Variants in DNTT observed in about 807,000 individuals in gnomAD.
The protein encoded by DNTT is DNA nucleotidylexotransferase.
A neutral mutation model predicts 60.9 loss-of-function variants in DNTT; 47 were observed. The ratio of observed to expected loss-of-function variants is 0.77; its 90% CI spans 0.61 to 0.98. The LOEUF is 0.98. Ranked by LOEUF, DNTT falls within the 50% of genes least tolerant of loss-of-function variation. DNTT has a pLI of 0.00. For missense variants in DNTT, 665 were observed against 627.5 expected (o/e 1.06, Z -0.64); for synonymous variants, 224 against 221.2 (o/e 1.01, Z -0.11).
intron 4 of DNTT, among the ~76,000 whole-genome samples, chr10:96,322,156 T>C (rs1844888192): frequency 6.6e-6 from 1 of 152,154 alleles, no homozygotes; most frequent in East Asian, 1.9e-4. Flanking sequence ...CATCTGGTAG[T>C]AAGTTTCTGT....
chr10:96,307,486 C>T (rs1844653722), intron 1 of DNTT, among the ~76,000 whole-genome samples: 1 of 150,160 alleles, frequency 6.7e-6, no homozygotes, highest in Admixed American at 6.6e-5. Flanking sequence ...TCCTGAACAG[C>T]TGGGACTACA....
chr10:96,323,036 A>G lies in DNTT; in HGVS notation c.750+308A>G, dbSNP rs187778918. 1.1e-4 allele frequency among the ~76,000 whole-genome samples: 17 copies of G among 152,342 alleles called. No homozygotes were observed. In the East Asian group the frequency reaches 2.9e-3, roughly 26 times the overall value. ...AGACACTAATCCTGGGCCGGGCACC[A>G]TAGCTCATGCCTGTAATCCAAGCAC... On this transcript the variant is annotated intron_variant, in intron 5 of 10. Transcript: ENST00000371174.
At chr10:96,323,607 C>G (rs1180834589) in intron 5 of DNTT, among the ~76,000 whole-genome samples, 1 of 152,076 alleles carries the variant, frequency 6.6e-6, no homozygotes, top group Non-Finnish European at 1.5e-5. Context: ...CGGAACTGCT[C>G]TTAAAGAGCA....
intron 6 of DNTT, 47 bp downstream of exon 6, chr10:96,324,436 T>C (rs753398059): frequency 6.2e-7 from 1 of 1,607,542 alleles, no homozygotes; most frequent in Non-Finnish European, 8.5e-7. Context: ...GCTGGTCGGG[T>C]CGTGGTGGAG....
At chr10:96,307,931 G>A (rs1844664464) in intron 1 of DNTT, among the ~76,000 whole-genome samples, 1 of 151,546 alleles carries the variant, frequency 6.6e-6, no homozygotes, top group African/African-American at 2.4e-5. Flanking sequence ...GCCATGCCCG[G>A]CTAATTTTTG....
At chr10:96,336,122 A>C in intron 10 of DNTT, 148 bp downstream of exon 10, 2 of 794,598 alleles carry the variant, frequency 2.5e-6, no homozygotes, top group Admixed American at 2.4e-5. Flanking sequence ...TGAGGGCAGC[A>C]AGAAAGATTT....
Position 96,318,537 on chromosome 10 carries a change from T to C in DNTT, c.378+11T>C, listed in dbSNP as rs752478257. On this transcript the variant is annotated intron_variant, in intron 2 of 10. Transcript: ENST00000371174. ...AAACACCAGCTTGTTGTAAGTGTCA[T>C]GGGTGTGATTTTCACTGTTCTTTGC... is the stretch of plus-strand genomic sequence containing the variant. 1.9e-6 allele frequency: 3 copies of C among 1,611,594 alleles called. No homozygotes were observed. In the East Asian group the frequency reaches 6.7e-5, roughly 36 times the overall value.
In DNTT at chr10:96,327,611, T is replaced by C. The variant is rs1336035065; in HGVS notation, c.1007+11T>C. ...AGGAGGGTTCCGGAGGTAAATAACT[T>C]GGGTGGCTTTGCCTCCTCTGCCCGA... On this transcript the variant is annotated intron_variant, in intron 7 of 10. Transcript: ENST00000371174. The C allele has an allele frequency of 6.2e-7, 1 of 1,608,430 alleles. No individual in the cohort carries two copies. The highest frequency in any genetic ancestry group is 1.7e-5 in the Admixed American group (1 of 59,748).
intron 1 of DNTT, 113 bp from the exon 2 acceptor site, chr10:96,318,239 G>T: frequency 7.9e-7 from 1 of 1,269,344 alleles, no homozygotes; most frequent in Non-Finnish European, 1.1e-6. Context: ...CTATGGTTAG[G>T]TCTAGCATGT....
In DNTT at chr10:96,326,411, G is replaced by A. The variant is rs114069456; in HGVS notation, c.875-1057G>A. Reference sequence around the variant, plus strand: ...TTGGTATTGGACACAGTTTATAGGTGTATTCATATGAATACCATTTTCTCT... The same window carrying A: ...TTGGTATTGGACACAGTTTATAGGTATATTCATATGAATACCATTTTCTCT... On this transcript the variant is annotated intron_variant, in intron 6 of 10. Transcript: ENST00000371174. 3.6e-3 allele frequency among the ~76,000 whole-genome samples: 551 copies of A among 152,300 alleles called. 5 individuals carry two copies. Among genetic ancestry groups the A allele is most frequent in the African/African-American group, 0.012 (514 of 41,554 alleles).
Position 96,335,970 on chromosome 10 carries a change from C to A in DNTT, c.1439C>A (p.Thr480Asn). 6.2e-7 allele frequency: 1 copy of A among 1,614,140 alleles called. No homozygotes were observed. Among genetic ancestry groups the A allele is most frequent in the Non-Finnish European group, 8.5e-7 (1 of 1,180,008 alleles). Residue 480 changes from threonine (T) to asparagine (N), a missense_variant, in exon 10 of 11, where the codon ACC becomes AAC. Physicochemically the swap from Thr to Asn is moderately conservative, Grantham distance 65. Coordinates refer to ENST00000371174, the MANE Select transcript of DNTT (RefSeq NM_004088.4). The stretch of plus-strand genomic sequence containing the variant: ...GATAACCATGCTTTATATGACAAGA[C>A]CAAGGTACAGTTCTCTTCCTAAAAG... ...ILDNHALYDK[T>N]KRIFLKAESE...
Position 96,338,302 on chromosome 10 carries a change from G to A in DNTT, c.*78G>A, listed in dbSNP as rs12573172. The A allele has an allele frequency of 3.0e-5, 41 of 1,350,438 alleles. No homozygotes were observed. In the African/African-American group the frequency reaches 4.3e-4, roughly 14 times the overall value. The allele number at this position is 1,350,438 out of a possible 1,614,324, so 83.7% of individuals were successfully genotyped here. ...CTTCATATTAGTAAAAGATGCCATA[G>A]GAGAGTTTGGGGTTATTTAGGTCTT... On this transcript the variant is annotated 3_prime_UTR_variant, in exon 11 of 11. Coordinates refer to ENST00000371174, the MANE Select transcript of DNTT (RefSeq NM_004088.4).
At chr10:96,307,701 GTGTGTA>G (rs1224447033) in intron 1 of DNTT, among the ~76,000 whole-genome samples, 9,137 of 84,720 alleles carry the variant, frequency 0.11, 752 homozygotes, top group East Asian at 0.51. Context: ...GTGTGTGTGT[GTGTGTA>G]TATATATATA....
intron 1 of DNTT, 100 bp from the exon 2 acceptor site, chr10:96,318,252 C>A: frequency 1.4e-6 from 2 of 1,401,990 alleles, no homozygotes; most frequent in Non-Finnish European, 1.9e-6. Flanking sequence ...TAGCATGTGT[C>A]TTTCTCCATC....
At position 96,328,734 on chromosome 10, in the gene DNTT, G is replaced by A; in HGVS notation, c.1017G>A (p.Lys339=). The A allele has an allele frequency of 6.2e-7, 1 of 1,612,916 alleles. No individual in the cohort carries two copies. Among genetic ancestry groups the A allele is most frequent in the Non-Finnish European group, 8.5e-7 (1 of 1,179,668 alleles). Residue 339 remains lysine (K), a synonymous_variant, in exon 8 of 11, where the codon AAG becomes AAA. Coordinates refer to ENST00000371174, the MANE Select transcript of DNTT (RefSeq NM_004088.4). ...TMTGGFRRGK[K]MGHDVDFLIT... ...TGCTTTTGAAAATTAGGGGTAAGAA[G>A]ATGGGGCATGATGTAGATTTTTTAA... is the stretch of plus-strand genomic sequence containing the variant.
intron 10 of DNTT, among the ~76,000 whole-genome samples, chr10:96,336,862 C>T (rs969504918): frequency 2.8e-5 from 4 of 144,742 alleles, no homozygotes; most frequent in Admixed American, 1.4e-4. Context: ...CACTTGAACC[C>T]GGGAGGCAGA....
At chr10:96,334,249 A>G (rs1181345389) in intron 9 of DNTT, among the ~76,000 whole-genome samples, 1 of 152,102 alleles carries the variant, frequency 6.6e-6, no homozygotes, top group Non-Finnish European at 1.5e-5. Flanking sequence ...GTAAAACTCA[A>G]TTTTCCCGTC....
chr10:96,307,734 A>ATATATATATATATATATATAT (rs1564868534), intron 1 of DNTT, among the ~76,000 whole-genome samples: 2 of 72,578 alleles, frequency 2.8e-5, no homozygotes, highest in Non-Finnish European at 5.9e-5. Context: ...TATATATATA[A>ATATATATATATATATATATAT]GCATATATAT....
intron 1 of DNTT, among the ~76,000 whole-genome samples, chr10:96,315,812 TA>T (rs1409673731): frequency 6.6e-6 from 1 of 152,032 alleles, no homozygotes; most frequent in Non-Finnish European, 1.5e-5. Context: ...AGATGGAAAA[TA>T]TAGATGGAAT....
Sources: gnomAD v4.1 joint callset for allele counts (sites outside exome capture counted in the v4.1 genomes callset) on GRCh38, gnomAD v4.1.1 for gene constraint, MANE v1.5 for transcripts, NCBI Gene and HGNC (gene_info 2026-07-23, HGNC 2026-07-21) for gene names.